FASN: variants seen among roughly 807,000 people sequenced by gnomAD.
FASN encodes 3-hydroxyacyl-[acyl-carrier-protein] dehydratase.
A neutral mutation model predicts 250.0 loss-of-function variants in FASN; 50 were observed. The ratio of observed to expected loss-of-function variants is 0.20; its 90% CI spans 0.16 to 0.25. The LOEUF (loss-of-function observed/expected upper bound fraction) is 0.25. FASN is among the 10% of genes least tolerant of loss of function. FASN has a pLI of 1.00. For synonymous variants in FASN, 1,909 were observed against 1,584.0 expected, an observed-to-expected ratio of 1.21 and a Z score of -4.87; for missense variants, 3,031 against 3,498.5, an observed-to-expected ratio of 0.87 and a Z score of 3.37.
chr17:82,095,206 G>A, intron 3 of FASN, 114 bp downstream of exon 3: 2 of 1,297,590 alleles, frequency 1.5e-6, no homozygotes, highest in Middle Eastern at 1.8e-4. Flanking sequence ...GCACAGCCGG[G>A]GAGGGTAGGT....
intron 36 of FASN, 32 bp from the exon 37 acceptor site, chr17:82,081,875 C>A: frequency 7.7e-7 from 1 of 1,296,202 alleles, no homozygotes; most frequent in Non-Finnish European, 1.0e-6. Flanking sequence ...GGCAGAGCTG[C>A]GGGGAGGTCG....
rs764082314 is a variant in FASN, at chr17:82,084,222, C to T, written c.4919+12G>A. On this transcript the variant is annotated intron_variant, in intron 28 of 42. Coordinates refer to ENST00000306749, the MANE Select transcript of FASN (RefSeq NM_004104.5). ...CACGTGGGGCCCAGGCTCACACCCT[C>T]GACACACTCACCAGTTGGAAGGCAC... The T allele has an allele frequency of 1.9e-5, 30 of 1,611,048 alleles. No homozygotes were observed. Among genetic ancestry groups the T allele is most frequent in the Non-Finnish European group, 2.3e-5 (27 of 1,179,214 alleles).
At chr17:82,096,205 C>T in intron 2 of FASN, 114 bp downstream of exon 2, 2 of 1,538,174 alleles carry the variant, frequency 1.3e-6, no homozygotes, top group Non-Finnish European at 1.8e-6. Context: ...CTGGGACCGG[C>T]CTCAGGCCAG....
chr17:82,079,684 C>T (rs2033953587), intron 41 of FASN, 76 bp from the exon 42 acceptor site: 8 of 1,230,916 alleles, frequency 6.5e-6, no homozygotes, highest in Admixed American at 5.8e-5. Context: ...TGCGGGTGGG[C>T]TTTTTTTTTT....
In FASN at chr17:82,082,921, G is replaced by A; in HGVS notation, c.5760C>T (p.Ile1920=). 1 of 1,612,744 alleles carries A rather than the reference G, an allele frequency of 6.2e-7. No individual in the cohort carries two copies. Among genetic ancestry groups the A allele is most frequent in the East Asian group, 2.2e-5 (1 of 44,884 alleles). The change falls in exon 33 of 43, where the codon ATC becomes ATT. Residue 1920 remains isoleucine (I), a synonymous_variant. Transcript: ENST00000306749. ...GCACCCCTGCCGACTCACCTGTCCG[G>A]ATCCCGGAGCGAGAAGTCAACACGA... The part of the protein sequence containing the change: ...QKLVLTSRSG[I]RTGYQAKQVR...
chr17:82,083,748 GT>G (rs759984307), intron 30 of FASN, 23 bp downstream of exon 30: 8 of 1,611,040 alleles, frequency 5.0e-6, no homozygotes, highest in Non-Finnish European at 5.9e-6. Flanking sequence ...CAGGAGGCAG[GT>G]GGGGGCTGTG....
chr17:82,082,021 C>T lies in FASN; in HGVS notation c.6151G>A (p.Glu2051Lys), dbSNP rs745655516. Residue 2051 changes from glutamate to lysine, a missense_variant, in exon 36 of 43, where the codon GAA becomes AAA. Glu to Lys is a moderately conservative substitution (Grantham distance 56). Coordinates refer to ENST00000306749, the MANE Select transcript of FASN (RefSeq NM_004104.5). ...GGGTGGGGCCCACCTGGGAGGCCTT[C>T]GTGCCGGCGTTTCTCACAGATACGC... is the stretch of plus-strand genomic sequence containing the variant. Reference protein sequence around the residue: ...MERICEKRRHEGLPGLAVQWG... With the variant: ...MERICEKRRHKGLPGLAVQWG... 66 of 1,608,734 alleles carry T rather than the reference C, an allele frequency of 4.1e-5. 1 individual carries two copies. The highest frequency in any genetic ancestry group is 2.3e-4 in the Admixed American group (14 of 59,982).
chr17:82,092,455 C>G lies in FASN; in HGVS notation c.1029G>C (p.Lys343Asn). The G allele has an allele frequency of 6.4e-7, 1 of 1,570,476 alleles. No homozygotes were observed. The highest frequency in any genetic ancestry group is 8.6e-7 in the Non-Finnish European group (1 of 1,160,866). Reference sequence around the variant, plus strand: ...GACCCCCAAGCCCAGCCCCACCTACCTTGGCCAGGGCTGCCAGCCCCGAGG... The same window carrying G: ...GACCCCCAAGCCCAGCCCCACCTACGTTGGCCAGGGCTGCCAGCCCCGAGG... The part of the protein sequence containing the change: ...EPASGLAALA[K>N]VLLSLEHGLW... The change falls in exon 8 of 43, where the codon AAG (lysine) becomes AAC (asparagine). Residue 343 changes from lysine to asparagine, a missense_variant and splice_region_variant. Lys to Asn is a moderately conservative substitution (Grantham distance 94, BLOSUM62 0). Transcript: ENST00000306749.
rs2144786708 is a variant in FASN at position 82,083,962 on chromosome 17, G to A, written c.5098+13C>T. 1 of 1,543,044 alleles carries A rather than the reference G, an allele frequency of 6.5e-7. No individual in the cohort carries two copies. On this transcript the variant is annotated intron_variant, in intron 29 of 42. Coordinates refer to ENST00000306749, the MANE Select transcript of FASN (RefSeq NM_004104.5). ...CAGGAGGGCAGCGGGAGGCACCGGG[G>A]GCGGGGCCTTACCCACGGTGGTGAA...
intron 41 of FASN, 156 bp from the exon 42 acceptor site, chr17:82,079,764 C>T (rs2144778172): frequency 9.4e-7 from 1 of 1,062,382 alleles, no homozygotes; most frequent in Non-Finnish European, 1.3e-6. Flanking sequence ...GCAACCTCCA[C>T]CTACCCGGTT....
rs370082028 is a variant in FASN at position 82,091,505 on chromosome 17, G to A, written c.1209C>T (p.Ile403=). Residue 403 remains isoleucine, a synonymous_variant, in exon 9 of 43, where the codon ATC becomes ATT. Coordinates refer to ENST00000306749, the MANE Select transcript of FASN (RefSeq NM_004104.5). ...FGFGGSNVHI[I]LRPNTQPPPA... ...GGGGCGGCTGCGTGTTGGGCCTCAG[G>A]ATGATGTGCACGTTGGAGCCCCCGA... 1.2e-6 allele frequency: 2 copies of A among 1,605,142 alleles called. No homozygotes were observed. The highest frequency in any genetic ancestry group is 1.3e-5 in the African/African-American group (1 of 74,932).
Position 82,084,199 on chromosome 17 carries a change from C to T in FASN, c.4919+35G>A, listed in dbSNP as rs45602039. On this transcript the variant is annotated intron_variant, in intron 28 of 42. Coordinates refer to ENST00000306749, the MANE Select transcript of FASN (RefSeq NM_004104.5). ...TCAGCACAGGCCTGGCCGCCATCCACGTGGGGCCCAGGCTCACACCCTCGA... is the reference window on the plus strand; with the variant it reads ...TCAGCACAGGCCTGGCCGCCATCCATGTGGGGCCCAGGCTCACACCCTCGA... The T allele has an allele frequency of 4.2e-3, 6,798 of 1,609,576 alleles. 280 individuals carry two copies. The African/African-American group carries it at 0.082, about 20-fold the overall frequency.
Position 82,091,275 on chromosome 17 carries a change from G to T in FASN, c.1439C>A (p.Pro480Gln). Residue 480 changes from proline to glutamine, a missense_variant, in exon 9 of 43, where the codon CCA becomes CAA. Pro to Gln is a moderately conservative substitution (Grantham distance 76). Transcript: ENST00000306749. ...GCCAGCGGGCACCTGCTGCACCTCT[G>T]GGCCACCGCGCTCACCACCCAGCAC... ...YAVLGGERGG[P>Q]EVQQVPAGER... The T allele has an allele frequency of 6.2e-7, 1 of 1,605,988 alleles. No individual in the cohort carries two copies.
At chr17:82,082,461 C>T (rs759224748) in intron 34 of FASN, 47 bp from the exon 35 acceptor site, 54 of 1,611,766 alleles carry the variant, frequency 3.4e-5, no homozygotes, top group African/African-American at 1.6e-4. Flanking sequence ...GGGCCTCACC[C>T]GTCCACCCAG....
intron 19 of FASN, 61 bp from the exon 20 acceptor site, chr17:82,087,565 G>A: frequency 5.0e-6 from 8 of 1,603,204 alleles, no homozygotes; most frequent in South Asian, 1.1e-5. Flanking sequence ...ACCTCCCAGA[G>A]CCCACCGGGC....
rs2033980829 is a variant in FASN, at chr17:82,081,179, C to T, written c.6580G>A (p.Ala2194Thr). 6.3e-7 allele frequency: 1 copy of T among 1,588,408 alleles called. No homozygotes were observed. The highest frequency in any genetic ancestry group is 8.6e-7 in the Non-Finnish European group (1 of 1,168,470). The change falls in exon 38 of 43, where the codon GCG (alanine) becomes ACG (threonine). Residue 2194 changes from alanine to threonine, a missense_variant. Coordinates refer to ENST00000306749, the MANE Select transcript of FASN (RefSeq NM_004104.5). ...LRKLQELSSK[A>T]DEASELACPT... ...CCACACGCACCGCTGGCCTCATCCG[C>T]CTTTGAGGACAGCTCCTGCAGTTTC... is the stretch of plus-strand genomic sequence containing the variant.
At chr17:82,090,344 G>C in intron 11 of FASN, 31 bp downstream of exon 11, 3 of 1,555,564 alleles carry the variant, frequency 1.9e-6, no homozygotes, top group South Asian at 2.4e-5. Context: ...TCCTTTCTTG[G>C]AGGTGCTGGG....
rs1458527771 is a variant in FASN, at chr17:82,085,098, G to A, written c.4346C>T (p.Ala1449Val). Residue 1449 changes from alanine (A) to valine (V), a missense_variant, in exon 25 of 43, where the codon GCC (alanine) becomes GTC (valine). Ala to Val is a moderately conservative substitution (Grantham distance 64, BLOSUM62 0). Transcript: ENST00000306749. Reference sequence around the variant, plus strand: ...CACCAAGCCCACCACGCCCGAGGTGGCACAGTTGATGGCCTTCAGCCACAC... The same window carrying A: ...CACCAAGCCCACCACGCCCGAGGTGACACAGTTGATGGCCTTCAGCCACAC... ...RPVWLKAINC[A>V]TSGVVGLVNC... 1.2e-6 allele frequency: 2 copies of A among 1,612,544 alleles called. No homozygotes were observed. Among genetic ancestry groups the A allele is most frequent in the East Asian group, 2.2e-5 (1 of 44,888 alleles).
In FASN at chr17:82,079,265, C is replaced by G. The variant is rs1241266094; in HGVS notation, c.7414G>C (p.Val2472Leu). 6.2e-7 allele frequency: 1 copy of G among 1,613,090 alleles called. No individual in the cohort carries two copies. The highest frequency in any genetic ancestry group is 2.2e-5 in the East Asian group (1 of 44,888). The change falls in exon 43 of 43, where the codon GTA becomes CTA. Residue 2472 changes from valine (V) to leucine (L), a missense_variant. Val to Leu is a conservative substitution (Grantham distance 32). Transcript: ENST00000306749. The stretch of plus-strand genomic sequence containing the variant: ...TCACCCTCGATGACGTGGACGGATA[C>G]TTTCCCGTCGCATACCTGCAGGGGA... ...YNLSQVCDGK[V>L]SVHVIEGDHR...
Sources: gnomAD v4.1 joint callset for allele counts on GRCh38, gnomAD v4.1.1 for gene constraint, MANE v1.5 for transcripts, NCBI Gene and HGNC (gene_info 2026-07-23, HGNC 2026-07-21) for gene names.